SPHKAP: variants seen among roughly 807,000 people sequenced by gnomAD.
SPHKAP encodes SPHK1 interactor, AKAP domain containing, also known as A-kinase anchor protein SPHKAP.
Under a neutral mutation model 137.5 loss-of-function variants are expected in SPHKAP, and 67 were observed. The ratio of observed to expected loss-of-function variants is 0.49; its 90% CI spans 0.40 to 0.60. The LOEUF (loss-of-function observed/expected upper bound fraction) is 0.60. SPHKAP is among the 20% of genes least tolerant of loss of function. The pLI, the probability that SPHKAP is intolerant of heterozygous loss-of-function variation, is 0.00. For missense variants in SPHKAP, 2,097 were observed against 2,069.3 expected, an observed-to-expected ratio of 1.01 and a Z score of -0.26; for synonymous variants, 813 against 785.3, an observed-to-expected ratio of 1.04 and a Z score of -0.59.
intron 5 of SPHKAP, among the ~76,000 whole-genome samples, chr2:228,023,486 T>C (rs1025089757): frequency 6.6e-6 from 1 of 152,234 alleles, no homozygotes. Context: ...ATAGCTTTTA[T>C]TGAATTCACA....
intron 3 of SPHKAP, among the ~76,000 whole-genome samples, chr2:228,082,018 A>G (rs1697379316): frequency 6.6e-6 from 1 of 152,354 alleles, no homozygotes; most frequent in East Asian, 1.9e-4. Flanking sequence ...CCTTTCCACA[A>G]TGTAGACATA....
chr2:228,035,887 T>G (rs1399705913), intron 3 of SPHKAP, among the ~76,000 whole-genome samples: 1 of 151,902 alleles, frequency 6.6e-6, no homozygotes, highest in African/African-American at 2.4e-5. Flanking sequence ...TAATTCAAGA[T>G]GGATTAAAGA....
At chr2:228,096,374 A>C (rs1274511112) in intron 3 of SPHKAP, among the ~76,000 whole-genome samples, 4 of 152,138 alleles carry the variant, frequency 2.6e-5, no homozygotes, top group African/African-American at 9.7e-5. Context: ...CAGTTTCAAC[A>C]GAAATATACA....
At position 227,993,039 on chromosome 2, in the gene SPHKAP, C is replaced by T. The variant is rs558446346; in HGVS notation, c.4721+495G>A. Among the ~76,000 whole-genome samples, 12 of 152,158 alleles carry T rather than the reference C, an allele frequency of 7.9e-5. No individual in the cohort carries two copies. The South Asian group carries it at 1.9e-3, about 24-fold the overall frequency. ...CCTTTTTTCCTTCTTAAGGAAGTCC[C>T]CATATTGTGGAGAGCATAGTCACGG... On this transcript the variant is annotated intron_variant, in intron 9 of 11. Transcript: ENST00000392056.
intron 3 of SPHKAP, among the ~76,000 whole-genome samples, chr2:228,068,594 A>G (rs552198636): frequency 1.1e-4 from 17 of 152,314 alleles, no homozygotes; most frequent in African/African-American, 4.1e-4. Context: ...CACTGGGGAA[A>G]GGAGAGTCTC....
intron 2 of SPHKAP, among the ~76,000 whole-genome samples, chr2:228,115,081 C>T (rs780061516): frequency 3.9e-5 from 6 of 152,126 alleles, no homozygotes; most frequent in Non-Finnish European, 8.8e-5. Context: ...AGACATGTCT[C>T]TCTTTTCCTA....
intron 3 of SPHKAP, among the ~76,000 whole-genome samples, chr2:228,049,396 T>A (rs1297721492): frequency 6.6e-6 from 1 of 152,234 alleles, no homozygotes; most frequent in East Asian, 1.9e-4. Flanking sequence ...CTTCCCAAAC[T>A]AACTTCTCTT....
At chr2:228,159,637 C>T (rs1346234395) in intron 1 of SPHKAP, among the ~76,000 whole-genome samples, 2 of 152,148 alleles carry the variant, frequency 1.3e-5, no homozygotes, top group South Asian at 4.1e-4. Context: ...TACAATTACA[C>T]ATTTTCTAGA....
rs1693407589 is a variant in SPHKAP at position 227,991,335 on chromosome 2, G to T, written c.4722-9C>A. 28 of 1,614,162 alleles carry T rather than the reference G, an allele frequency of 1.7e-5. No homozygotes were observed. The highest frequency in any genetic ancestry group is 2.3e-5 in the Non-Finnish European group (27 of 1,180,008). On this transcript the variant is annotated splice_polypyrimidine_tract_variant and intron_variant, in intron 9 of 11. Transcript: ENST00000392056. Reference sequence around the variant, plus strand: ...TTTCTTCTACTAATTCACTTTGGGAGAAAACAACAGTATATGGTTGGTAAT... The same window carrying T: ...TTTCTTCTACTAATTCACTTTGGGATAAAACAACAGTATATGGTTGGTAAT...
intron 3 of SPHKAP, among the ~76,000 whole-genome samples, chr2:228,076,172 C>T (rs1697176473): frequency 6.6e-6 from 1 of 152,142 alleles, no homozygotes; most frequent in Admixed American, 6.6e-5. Context: ...ATGAGGCCTC[C>T]CCCACCACTG....
chr2:228,001,706 C>A (rs1039215059), intron 7 of SPHKAP, among the ~76,000 whole-genome samples: 2 of 151,810 alleles, frequency 1.3e-5, no homozygotes, highest in Non-Finnish European at 2.9e-5. Context: ...TCTCCTAATG[C>A]TATCCCTCCC....
At chr2:228,031,387 G>A (rs1376736807) in intron 3 of SPHKAP, among the ~76,000 whole-genome samples, 4 of 152,226 alleles carry the variant, frequency 2.6e-5, no homozygotes, top group Non-Finnish European at 5.9e-5. Flanking sequence ...TCTGGGTGGA[G>A]CCCACCACAG....
chr2:228,078,762 C>T (rs1697262482), intron 3 of SPHKAP, among the ~76,000 whole-genome samples: 1 of 152,124 alleles, frequency 6.6e-6, no homozygotes, highest in African/African-American at 2.4e-5. Context: ...CTCACATCAC[C>T]CAACTCCAGG....
Position 228,016,458 on chromosome 2 carries a change from G to T in SPHKAP, c.4396C>A (p.Pro1466Thr), listed in dbSNP as rs765896167. 3.1e-6 allele frequency: 5 copies of T among 1,611,832 alleles called. No individual in the cohort carries two copies. The African/African-American group carries it at 5.4e-5, about 17-fold the overall frequency. ...GTGTCTCCACCTCTCACCACATCTG[G>T]GATGTTTTTGTCATTCGAATGCCCT... The part of the protein sequence containing the change: ...AEGHSNDKNI[P>T]DVVRGGDTAV... Residue 1466 changes from proline (P) to threonine (T), a missense_variant, in exon 7 of 12, where the codon CCA (proline) becomes ACA (threonine). By Grantham distance (38) the Pro-to-Thr change is conservative. Transcript: ENST00000392056.
intron 3 of SPHKAP, among the ~76,000 whole-genome samples, chr2:228,036,603 A>G (rs1437326414): frequency 6.6e-6 from 1 of 152,136 alleles, no homozygotes; most frequent in Non-Finnish European, 1.5e-5. Flanking sequence ...TTGCGGCACT[A>G]TTCACAATAG....
chr2:228,065,059 G>A (rs145621763), intron 3 of SPHKAP, among the ~76,000 whole-genome samples: 23 of 152,284 alleles, frequency 1.5e-4, no homozygotes, highest in Middle Eastern at 3.4e-3. Context: ...TCCTGGCTGT[G>A]GGTTGATTTC....
At chr2:228,176,489 C>T (rs1700744393) in intron 1 of SPHKAP, among the ~76,000 whole-genome samples, 1 of 152,206 alleles carries the variant, frequency 6.6e-6, no homozygotes, top group Non-Finnish European at 1.5e-5. Flanking sequence ...GTCAGCACAT[C>T]CAGGAGGAGG....
At chr2:228,088,217 A>G (rs1025809033) in intron 3 of SPHKAP, among the ~76,000 whole-genome samples, 9 of 152,188 alleles carry the variant, frequency 5.9e-5, no homozygotes, top group African/African-American at 2.2e-4. Flanking sequence ...ATTCTTTAAT[A>G]GGCATAAAAT....
intron 1 of SPHKAP, among the ~76,000 whole-genome samples, chr2:228,148,843 T>G (rs1483411760): frequency 1.3e-5 from 2 of 152,130 alleles, no homozygotes; most frequent in East Asian, 1.9e-4. Context: ...AGTTTTAGTA[T>G]TATTTAAGAG....
Sources: gnomAD v4.1 joint callset for allele counts (sites outside exome capture counted in the v4.1 genomes callset) on GRCh38, gnomAD v4.1.1 for gene constraint, MANE v1.5 for transcripts, NCBI Gene and HGNC (gene_info 2026-07-23, HGNC 2026-07-21) for gene names.